Variants in APBA1 observed in about 807,000 individuals in gnomAD.
The protein encoded by APBA1 is amyloid-beta A4 precursor protein-binding family A member 1.
APBA1 carries 55 observed loss-of-function variants against 86.6 expected under a neutral mutation model. The observed-to-expected ratio is 0.64, with a 90% CI of 0.51 to 0.80. The LOEUF is 0.80. APBA1 is among the 30% of genes least tolerant of loss of function. APBA1 has a pLI of 0.00. For missense variants in APBA1, 1,090 were observed against 1,183.0 expected, an observed-to-expected ratio of 0.92 and a Z score of 1.15; for synonymous variants, 511 against 493.9, an observed-to-expected ratio of 1.03 and a Z score of -0.46.
chr9:69,429,155 A>G lies in APBA1; in HGVS notation c.*2172T>C, dbSNP rs1321361833. ...TAGGGACAGACAGGCATGGGCCCCT[A>G]CGATGATTTTCCAAGGCTCCTGATG... On this transcript the variant is annotated 3_prime_UTR_variant, in exon 13 of 13. Coordinates refer to ENST00000265381, the MANE Select transcript of APBA1 (RefSeq NM_001163.4). 6.6e-6 allele frequency: 1 copy of G among 152,228 alleles called. No homozygotes were observed. The highest frequency in any genetic ancestry group is 1.9e-4 in the East Asian group (1 of 5,188). The allele number at this position is 152,228 out of a possible 1,614,324, so 9.4% of individuals were successfully genotyped here. A position where few individuals can be genotyped will look rare whatever the true frequency, so the allele number is the denominator to read the frequency against.
chr9:69,494,605 A>G (rs1315270694), intron 2 of APBA1: 4 of 152,168 alleles, frequency 2.6e-5, no homozygotes, highest in Non-Finnish European at 4.4e-5. Context: ...GCCTCACTGT[A>G]TTTAAATGAA....
chr9:69,440,846 T>G, intron 11 of APBA1, 150 bp downstream of exon 11: 1 of 1,066,610 alleles, frequency 9.4e-7, no homozygotes, highest in Non-Finnish European at 1.4e-6. Context: ...CAGTTGGAAA[T>G]GCAGAAATTA....
chr9:69,535,309 T>C (rs952649944), intron 1 of APBA1, among the ~76,000 whole-genome samples: 2 of 152,242 alleles, frequency 1.3e-5, no homozygotes, highest in African/African-American at 4.8e-5. Flanking sequence ...CTGATGCTCC[T>C]GCAGCTGGTC....
chr9:69,633,961 G>C (rs1465270448), intron 1 of APBA1, among the ~76,000 whole-genome samples: 2 of 152,200 alleles, frequency 1.3e-5, no homozygotes, highest in East Asian at 1.9e-4. Context: ...CAGTAAATGA[G>C]AAGAGGAAGC....
At chr9:69,622,729 T>A (rs1488017433) in intron 1 of APBA1, among the ~76,000 whole-genome samples, 1 of 152,172 alleles carries the variant, frequency 6.6e-6, no homozygotes, top group Non-Finnish European at 1.5e-5. Context: ...TTGCAATGTG[T>A]CTGTACTTCT....
intron 1 of APBA1, among the ~76,000 whole-genome samples, chr9:69,586,403 A>G (rs1822020754): frequency 6.6e-6 from 1 of 152,170 alleles, no homozygotes; most frequent in Non-Finnish European, 1.5e-5. Flanking sequence ...GTCTCAACAC[A>G]TATATTTGTT....
chr9:69,527,800 G>A (rs1396117525), intron 1 of APBA1, among the ~76,000 whole-genome samples: 1 of 152,064 alleles, frequency 6.6e-6, no homozygotes, highest in Non-Finnish European at 1.5e-5. Context: ...AAGTGATTTC[G>A]AAGTTAATTT....
At chr9:69,436,472 T>G (rs2133787621) in intron 11 of APBA1, among the ~76,000 whole-genome samples, 1 of 152,106 alleles carries the variant, frequency 6.6e-6, no homozygotes, top group African/African-American at 2.4e-5. Flanking sequence ...TGGTTTGTAG[T>G]TCTCCTTGAA....
At chr9:69,476,190 C>T in intron 2 of APBA1, 47 bp from the exon 3 acceptor site, 1 of 1,409,796 alleles carries the variant, frequency 7.1e-7, no homozygotes, top group Non-Finnish European at 9.9e-7. Context: ...AGAGACTCGG[C>T]AGACACTTGG....
chr9:69,626,720 C>T (rs1451874664), intron 1 of APBA1, among the ~76,000 whole-genome samples: 3 of 152,028 alleles, frequency 2.0e-5, no homozygotes, highest in Non-Finnish European at 4.4e-5. Flanking sequence ...GAAATGGAAA[C>T]ATAAGCTTTC....
chr9:69,530,129 A>G (rs184039523), intron 1 of APBA1, among the ~76,000 whole-genome samples: 201 of 152,216 alleles, frequency 1.3e-3, no homozygotes, highest in Non-Finnish European at 2.1e-3. Flanking sequence ...TAGAACTACC[A>G]TTTGACCCAG....
intron 1 of APBA1, among the ~76,000 whole-genome samples, chr9:69,626,310 T>A (rs1486672319): frequency 1.6e-5 from 2 of 124,156 alleles, no homozygotes; most frequent in Non-Finnish European, 3.5e-5. Context: ...AACTGTCTTG[T>A]TGTTGTTATT....
chr9:69,468,013 G>A (rs879205819), intron 4 of APBA1, 45 bp from the exon 5 acceptor site: 1 of 1,598,516 alleles, frequency 6.3e-7, no homozygotes, highest in Non-Finnish European at 8.5e-7. Context: ...CTGGGGTGGG[G>A]CCTGCCAACC....
At chr9:69,543,448 C>T (rs13289730) in intron 1 of APBA1, among the ~76,000 whole-genome samples, 56,910 of 151,910 alleles carry the variant, frequency 0.37, 12,029 homozygotes, top group Non-Finnish European at 0.47. Context: ...CTTTCCAGAC[C>T]GCCACTGATC....
At chr9:69,543,061 G>A (rs143148008) in intron 1 of APBA1, among the ~76,000 whole-genome samples, 4 of 152,220 alleles carry the variant, frequency 2.6e-5, no homozygotes, top group Admixed American at 6.5e-5. Flanking sequence ...TCCATTTACT[G>A]TGCCATCCTC....
chr9:69,591,414 T>A (rs768781337), intron 1 of APBA1, among the ~76,000 whole-genome samples: 1 of 152,200 alleles, frequency 6.6e-6, no homozygotes, highest in Non-Finnish European at 1.5e-5. Flanking sequence ...TAAGTACACA[T>A]CTGAAAGCCA....
intron 1 of APBA1, among the ~76,000 whole-genome samples, chr9:69,564,755 G>A (rs1233309599): frequency 1.3e-5 from 2 of 152,160 alleles, no homozygotes; most frequent in Non-Finnish European, 2.9e-5. Flanking sequence ...CCACTTGGAA[G>A]ACTGTATGGC....
Position 69,474,746 on chromosome 9 carries a change from T to G in APBA1, c.1296+1302A>C, listed in dbSNP as rs1037346770. ...TTCAGAGAAGGTCTATGTTTGTTTG[T>G]TTGGTTTAATATGAACAGATTAATA... On this transcript the variant is annotated intron_variant, in intron 3 of 12. Coordinates refer to ENST00000265381, the MANE Select transcript of APBA1 (RefSeq NM_001163.4). 9.9e-5 allele frequency among the ~76,000 whole-genome samples: 15 copies of G among 152,214 alleles called. No homozygotes were observed. In the East Asian group the frequency reaches 2.9e-3, roughly 29 times the overall value.
At chr9:69,520,333 C>A (rs936028655) in intron 1 of APBA1, among the ~76,000 whole-genome samples, 5 of 152,026 alleles carry the variant, frequency 3.3e-5, no homozygotes, top group Non-Finnish European at 7.4e-5. Context: ...ATTATTGGTA[C>A]AAAATTTTTG....
Sources: allele counts gnomAD v4.1 joint callset (sites outside exome capture counted in the v4.1 genomes callset), GRCh38; gene constraint gnomAD v4.1.1; transcripts MANE v1.5; gene names NCBI Gene and HGNC (gene_info 2026-07-23, HGNC 2026-07-21).